The following MYO18B variants were observed in gnomAD, a reference collection of about 807,000 sequenced individuals.
MYO18B encodes the protein unconventional myosin-XVIIIb.
MYO18B carries 204 observed loss-of-function variants against 273.0 expected under a neutral mutation model. That is an observed-to-expected ratio of 0.75 (90% CI 0.67 to 0.84). The LOEUF is 0.84. MYO18B is among the 40% of genes least tolerant of loss of function. MYO18B has a pLI of 0.00. For missense variants in MYO18B, 3,212 were observed against 3,287.6 expected (o/e 0.98, Z 0.56); for synonymous variants, 1,330 against 1,305.7 (o/e 1.02, Z -0.40).
chr22:26,037,646 A>G, the MYO18B span, among the ~76,000 whole-genome samples: 1 of 152,182 alleles, frequency 6.6e-6, no homozygotes, highest in African/African-American at 2.4e-5. Flanking sequence ...TGTTCACTTC[A>G]ATCTCAAGCG....
intron 17 of MYO18B, among the ~76,000 whole-genome samples, chr22:25,840,640 A>G (rs1258397950): frequency 1.3e-5 from 2 of 152,228 alleles, no homozygotes; most frequent in East Asian, 3.8e-4. Flanking sequence ...GAATATGTGA[A>G]AACTCAGTGA....
intron 11 of MYO18B, 52 bp from the exon 12 acceptor site, chr22:25,797,901 G>A: frequency 6.2e-7 from 1 of 1,613,566 alleles, no homozygotes; most frequent in South Asian, 1.1e-5. Context: ...GTGAGCTTGT[G>A]TTTTCTCCAT....
chr22:25,938,515 T>G (rs980774898), intron 34 of MYO18B, among the ~76,000 whole-genome samples: 1 of 152,260 alleles, frequency 6.6e-6, no homozygotes, highest in African/African-American at 2.4e-5. Flanking sequence ...CACTTCTTCC[T>G]GGGCTGCAGT....
intron 7 of MYO18B, 63 bp from the exon 8 acceptor site, chr22:25,777,520 G>A: frequency 2.3e-5 from 34 of 1,482,830 alleles, no homozygotes; most frequent in Non-Finnish European, 3.1e-5. Context: ...GCGGGGCGCT[G>A]TCTTAGAATG....
downstream of MYO18B, among the ~76,000 whole-genome samples, chr22:26,033,930 T>C (rs559053844): frequency 2.6e-5 from 4 of 151,060 alleles, no homozygotes; most frequent in African/African-American, 7.3e-5. Flanking sequence ...CCTTTCTTTC[T>C]TTCCTTCCTT....
intron 38 of MYO18B, among the ~76,000 whole-genome samples, chr22:25,953,097 C>T (rs9624939): frequency 0.032 from 4,907 of 152,256 alleles, 241 homozygotes; most frequent in African/African-American, 0.1. Flanking sequence ...ACAGGTAAGA[C>T]TTGGATGGGC....
rs1935079025 is a variant in MYO18B, at chr22:26,013,581, T to C, written c.6470+8726T>C. ...TCAGCAGTAGAATTGCTAGGTGTGT[T>C]TTCAGCTTTGGTAAATACTGTCAAA... On this transcript the variant is annotated intron_variant, in intron 42 of 43. Coordinates refer to ENST00000335473, the MANE Select transcript of MYO18B (RefSeq NM_032608.7). Among the ~76,000 whole-genome samples, 3 of 152,324 alleles carry C rather than the reference T, an allele frequency of 2.0e-5. 1 individual carries two copies. In the South Asian group the frequency reaches 6.2e-4, roughly 32 times the overall value.
intron 39 of MYO18B, among the ~76,000 whole-genome samples, chr22:25,989,767 CAAAA>C (rs67095758): frequency 2.5e-5 from 2 of 80,420 alleles, no homozygotes; most frequent in African/African-American, 1.0e-4. Context: ...GACTCCGTCT[CAAAA>C]AAAAAAAAAA....
intron 16 of MYO18B, among the ~76,000 whole-genome samples, chr22:25,834,142 C>CT (rs935617161): frequency 5.1e-4 from 73 of 142,098 alleles, no homozygotes; most frequent in Middle Eastern, 3.6e-3. Flanking sequence ...CCTTCTTCTT[C>CT]TTTTTTTTTT....
chr22:25,975,891 G>A (rs2093083728), intron 39 of MYO18B, among the ~76,000 whole-genome samples: 1 of 152,116 alleles, frequency 6.6e-6, no homozygotes, highest in African/African-American at 2.4e-5. Flanking sequence ...GTTATGAAAG[G>A]GTGAGGTTTA....
At chr22:26,009,467 C>T (rs1026091978) in intron 42 of MYO18B, among the ~76,000 whole-genome samples, 13 of 152,110 alleles carry the variant, frequency 8.5e-5, no homozygotes, top group Non-Finnish European at 1.3e-4. Context: ...CCTTTTGATT[C>T]GAGCTTCTCA....
Position 25,769,032 on chromosome 22 carries a change from G to A in MYO18B, c.1116G>A (p.Gly372=), listed in dbSNP as rs1352857851. 1 of 1,611,678 alleles carries A rather than the reference G, an allele frequency of 6.2e-7. No homozygotes were observed. Among genetic ancestry groups the A allele is most frequent in the Admixed American group, 1.7e-5 (1 of 59,664 alleles). The change falls in exon 4 of 44, where the codon GGG becomes GGA. Residue 372 remains glycine, a synonymous_variant. Transcript: ENST00000335473. ...QGELGDDLRM[G]EKAGELRSTT... ...AGTTGGGGGACGATCTGAGAATGGGGGAGAAAGCAGGTGAGCTTCGGAGCA... is the reference window on the plus strand; with the variant it reads ...AGTTGGGGGACGATCTGAGAATGGGAGAGAAAGCAGGTGAGCTTCGGAGCA...
chr22:25,777,511 C>G, intron 7 of MYO18B, 72 bp from the exon 8 acceptor site: 3 of 1,391,754 alleles, frequency 2.2e-6, no homozygotes, highest in Non-Finnish European at 2.9e-6. Flanking sequence ...AGGCCTGGGG[C>G]GGGGCGCTGT....
At position 25,866,075 on chromosome 22, in the gene MYO18B, A is replaced by AT. The variant is rs370105536; in HGVS notation, c.3886-2235dup. Among the ~76,000 whole-genome samples, 1,350 of 150,036 alleles carry AT rather than the reference A, an allele frequency of 9.0e-3. 13 individuals carry two copies. The highest frequency in any genetic ancestry group is 0.028 in the African/African-American group (1,163 of 40,960). On this transcript the variant is annotated intron_variant, in intron 21 of 43. Transcript: ENST00000335473. Reference sequence around the variant, plus strand: ...GTCTGGGACTAGACTATTAATAAGGATTTTTTTTTTGATATCTTAGGAAGT... The same window carrying AT: ...GTCTGGGACTAGACTATTAATAAGGATTTTTTTTTTTGATATCTTAGGAAGT...
chr22:25,961,163 G>T (rs1407849885), intron 39 of MYO18B, among the ~76,000 whole-genome samples: 1 of 151,304 alleles, frequency 6.6e-6, no homozygotes, highest in Non-Finnish European at 1.5e-5. Flanking sequence ...TCAAGATTAC[G>T]GTGAACTATG....
At chr22:25,857,813 C>T (rs904417435) in intron 21 of MYO18B, among the ~76,000 whole-genome samples, 3 of 152,210 alleles carry the variant, frequency 2.0e-5, no homozygotes, top group Non-Finnish European at 4.4e-5. Flanking sequence ...GCCACCACGC[C>T]AGGCTAATTT....
At chr22:25,787,995 T>A (rs1601695058) in intron 11 of MYO18B, among the ~76,000 whole-genome samples, 1 of 152,206 alleles carries the variant, frequency 6.6e-6, no homozygotes. Flanking sequence ...CTCTGAGCTT[T>A]CCCCCAACCT....
intron 34 of MYO18B, among the ~76,000 whole-genome samples, chr22:25,930,562 G>A (rs2092484419): frequency 6.6e-6 from 1 of 151,164 alleles, no homozygotes; most frequent in South Asian, 2.1e-4. Context: ...CCAGGCTGGA[G>A]TGCAGTGGTG....
intron 8 of MYO18B, among the ~76,000 whole-genome samples, chr22:25,778,657 T>C (rs539952257): frequency 1.3e-5 from 2 of 151,954 alleles, no homozygotes; most frequent in East Asian, 3.9e-4. Flanking sequence ...TTTATTTTTA[T>C]TTTTTGTATT....
Sources: allele counts gnomAD v4.1 joint callset (sites outside exome capture counted in the v4.1 genomes callset), GRCh38; gene constraint gnomAD v4.1.1; transcripts MANE v1.5; gene names NCBI Gene and HGNC (gene_info 2026-07-23, HGNC 2026-07-21).